The following MMP26 variants were observed in gnomAD, a reference collection of about 807,000 sequenced individuals.
MMP26 encodes matrix metallopeptidase 26.
A neutral mutation model predicts 31.0 loss-of-function variants in MMP26; 33 were observed. The observed-to-expected ratio is 1.06, with a 90% confidence interval of 0.81 to 1.42. The LOEUF is 1.42. Among genes scored for constraint, MMP26 ranks in the 40% most tolerant of loss-of-function variants. The probability of loss-of-function intolerance (pLI) is 0.00; values close to 1 mark genes in which losing one functional copy is unlikely to be tolerated. For missense variants in MMP26, 347 were observed against 316.1 expected (o/e 1.10, Z -0.74); for synonymous variants, 122 against 114.9 (o/e 1.06, Z -0.40).
intron 2 of MMP26, among the ~76,000 whole-genome samples, chr11:4,982,134 A>T (rs1303541445): frequency 6.6e-6 from 1 of 152,010 alleles, no homozygotes; most frequent in Non-Finnish European, 1.5e-5. Context: ...ATAAACATAT[A>T]CATATATATT....
intron 2 of MMP26, among the ~76,000 whole-genome samples, chr11:4,835,177 C>G (rs1465960785): frequency 6.7e-6 from 1 of 148,356 alleles, no homozygotes; most frequent in Non-Finnish European, 1.5e-5. Context: ...TCCCTCCCCC[C>G]TCTCTCTCTC....
intron 1 of MMP26, among the ~76,000 whole-genome samples, chr11:4,754,724 G>C (rs1048778761): frequency 3.9e-5 from 6 of 151,918 alleles, no homozygotes; most frequent in Non-Finnish European, 8.8e-5. Flanking sequence ...GTCTATTTCT[G>C]TATACTTTCA....
intron 2 of MMP26, among the ~76,000 whole-genome samples, chr11:4,824,813 T>C (rs1479536469): frequency 6.6e-6 from 1 of 152,134 alleles, no homozygotes; most frequent in African/African-American, 2.4e-5. Context: ...GATATAATAT[T>C]GCACCTCTAA....
At chr11:4,886,263 A>C (rs1451325561) in intron 2 of MMP26, among the ~76,000 whole-genome samples, 1 of 152,142 alleles carries the variant, frequency 6.6e-6, no homozygotes, top group Non-Finnish European at 1.5e-5. Flanking sequence ...GTAGTGGCTG[A>C]AGTTGTGGGC....
chr11:4,742,055 C>T (rs528032346), intron 1 of MMP26, among the ~76,000 whole-genome samples: 26 of 152,286 alleles, frequency 1.7e-4, no homozygotes, highest in South Asian at 1.5e-3. Context: ...CCTGCTCTAA[C>T]GCACAGCATG....
intron 2 of MMP26, among the ~76,000 whole-genome samples, chr11:4,826,924 C>G (rs1446046333): frequency 1.3e-5 from 2 of 152,110 alleles, no homozygotes; most frequent in East Asian, 3.9e-4. Context: ...CCATTGGATC[C>G]TTTTTCCCAT....
chr11:4,822,069 C>G lies in MMP26; in HGVS notation c.-145+54728C>G. 1 of 1,613,580 alleles carries G rather than the reference C, an allele frequency of 6.2e-7. No individual in the cohort carries two copies. The highest frequency in any genetic ancestry group is 8.5e-7 in the Non-Finnish European group (1 of 1,179,850). On this transcript the variant is annotated intron_variant, in intron 2 of 7. Coordinates refer to ENST00000380390, the MANE Select transcript of MMP26 (RefSeq NM_021801.5). ...CTACAGGGTTTGACTGCCCTTGCATCCTGCTCTCCTATATCCTGATCATTC... is the reference window on the plus strand; with the variant it reads ...CTACAGGGTTTGACTGCCCTTGCATGCTGCTCTCCTATATCCTGATCATTC...
chr11:4,752,727 A>G (rs954745255), intron 1 of MMP26: 2 of 152,382 alleles, frequency 1.3e-5, no homozygotes, highest in Non-Finnish European at 2.9e-5. Flanking sequence ...GAGCCAGAAT[A>G]TTCCCAGCAC....
chr11:4,822,919 T>C (rs1229932625), intron 2 of MMP26, among the ~76,000 whole-genome samples: 1 of 152,178 alleles, frequency 6.6e-6, no homozygotes, highest in East Asian at 1.9e-4. Context: ...TACCATATTA[T>C]GTGCTCAGCA....
chr11:4,853,576 A>C (rs943934367), intron 2 of MMP26, among the ~76,000 whole-genome samples: 1 of 152,116 alleles, frequency 6.6e-6, no homozygotes, highest in African/African-American at 2.4e-5. Context: ...AGAAAAATAA[A>C]AATTATAAAA....
intron 2 of MMP26, among the ~76,000 whole-genome samples, chr11:4,786,503 T>A (rs1564909328): frequency 2.5e-5 from 3 of 119,990 alleles, no homozygotes; most frequent in Non-Finnish European, 5.8e-5. Context: ...CTTTTTTTTT[T>A]TTTTTTTTTT....
At chr11:4,908,195 G>A (rs1281643114) in intron 2 of MMP26, 1 of 1,614,134 alleles carries the variant, frequency 6.2e-7, no homozygotes, top group South Asian at 1.1e-5. Flanking sequence ...GATCCTTATT[G>A]CAGATATGTT....
At chr11:4,853,114 G>C (rs1849998160) in intron 2 of MMP26, among the ~76,000 whole-genome samples, 1 of 152,156 alleles carries the variant, frequency 6.6e-6, no homozygotes, top group African/African-American at 2.4e-5. Flanking sequence ...ATGTGTAAGT[G>C]TTAGAGGCTT....
At position 4,799,408 on chromosome 11, in the gene MMP26, A is replaced by G. The variant is rs112383305; in HGVS notation, c.-145+32067A>G. 8.6e-3 allele frequency among the ~76,000 whole-genome samples: 1,307 copies of G among 152,196 alleles called. 23 individuals are homozygous for G. Among genetic ancestry groups the G allele is most frequent in the African/African-American group, 0.03 (1,253 of 41,514 alleles). ...GCTCTATTAAACAAGAAGCTCTCAC[A>G]TGAACTAACTGAAGGAGAACTCACT... On this transcript the variant is annotated intron_variant, in intron 2 of 7. Transcript: ENST00000380390.
Position 4,728,157 on chromosome 11 carries a change from A to G in MMP26, c.-217+23112A>G, listed in dbSNP as rs184394375. 1.8e-3 allele frequency among the ~76,000 whole-genome samples: 267 copies of G among 152,370 alleles called. 2 individuals carry two copies. The highest frequency in any genetic ancestry group is 6.1e-3 in the African/African-American group (254 of 41,592). The stretch of plus-strand genomic sequence containing the variant: ...GTTATTAATAAAGATGCTAGTCACA[A>G]TTGGATTTTCACATGGCATGAAAAA... On this transcript the variant is annotated intron_variant, in intron 1 of 7. Transcript: ENST00000380390.
intron 2 of MMP26, among the ~76,000 whole-genome samples, chr11:4,785,862 A>C (rs2412432): frequency 1.3e-5 from 2 of 152,034 alleles, no homozygotes; most frequent in Admixed American, 1.3e-4. Flanking sequence ...CTACTGTCTA[A>C]TAGATCTGTT....
chr11:4,849,159 G>A (rs373477933), intron 2 of MMP26: 28 of 1,613,632 alleles, frequency 1.7e-5, no homozygotes, highest in Non-Finnish European at 2.3e-5. Flanking sequence ...GAAGGTGGGG[G>A]CCATTGAAGT....
intron 1 of MMP26, chr11:4,722,626 G>T: frequency 1.6e-6 from 1 of 622,870 alleles, no homozygotes; most frequent in East Asian, 2.7e-5. Context: ...GGCTAGGGCT[G>T]AGCCTCAGGT....
chr11:4,816,548 C>G (rs1158429145), intron 2 of MMP26, among the ~76,000 whole-genome samples: 2 of 150,504 alleles, frequency 1.3e-5, no homozygotes, highest in African/African-American at 2.4e-5. Flanking sequence ...TGCTATCAGA[C>G]AAAACGAAAG....
Sources: allele counts gnomAD v4.1 joint callset (sites outside exome capture counted in the v4.1 genomes callset), GRCh38; gene constraint gnomAD v4.1.1; transcripts MANE v1.5; gene names NCBI Gene and HGNC (gene_info 2026-07-23, HGNC 2026-07-21).